The following HROB variants were observed in gnomAD, a reference collection of about 807,000 sequenced individuals.
HROB encodes homologous recombination factor with OB-fold.
Under a neutral mutation model 61.0 loss-of-function variants are expected in HROB, and 44 were observed. The observed-to-expected ratio is 0.72, with a 90% CI of 0.57 to 0.93. The LOEUF is 0.93. Among genes scored for constraint, HROB ranks in the 40% least tolerant of loss-of-function variants. The pLI is 0.00. For synonymous variants in HROB, 301 were observed against 310.4 expected, an observed-to-expected ratio of 0.97 and a Z score of 0.32; for missense variants, 716 against 796.2, an observed-to-expected ratio of 0.90 and a Z score of 1.21.
chr17:44,154,723 G>GGTGGAATCACCCT (rs2053920045), intron 6 of HROB, 59 bp downstream of exon 6: 1 of 1,599,670 alleles, frequency 6.3e-7, no homozygotes, highest in African/African-American at 1.3e-5. Context: ...CAGGAAATGA[G>GGTGGAATCACCCT]GTGGAATCAC....
At chr17:44,153,601 C>T (rs981593493) in intron 5 of HROB, among the ~76,000 whole-genome samples, 9 of 151,878 alleles carry the variant, frequency 5.9e-5, no homozygotes, top group Non-Finnish European at 7.4e-5. Context: ...CAAAATTAGC[C>T]GGACGTGTTG....
Position 44,148,109 on chromosome 17 carries a change from G to T in HROB, c.306G>T (p.Arg102Ser). The change falls in exon 3 of 10, where the codon AGG becomes AGT. Residue 102 changes from arginine (R) to serine (S), a missense_variant. By Grantham distance (110) the Arg-to-Ser change is moderately radical (BLOSUM62 -1). Transcript: ENST00000585683. ...RPSCIGAAPL[R>S]PVSTSSSWIG... ...CATGCATAGGAGCAGCTCCCCTAAGGCCTGTCTCTACTTCCAGCAGCTGGA... is the reference window on the plus strand; with the variant it reads ...CATGCATAGGAGCAGCTCCCCTAAGTCCTGTCTCTACTTCCAGCAGCTGGA... 1 of 1,614,132 alleles carries T rather than the reference G, an allele frequency of 6.2e-7. No homozygotes were observed.
intron 2 of HROB, among the ~76,000 whole-genome samples, chr17:44,145,905 C>T (rs1316459548): frequency 1.3e-5 from 2 of 152,150 alleles, no homozygotes; most frequent in South Asian, 2.1e-4. Flanking sequence ...CAGGGGTACA[C>T]GTGCAGGTTT....
At chr17:44,159,467 G>A (rs917015694) in intron 9 of HROB, among the ~76,000 whole-genome samples, 2 of 152,180 alleles carry the variant, frequency 1.3e-5, no homozygotes, top group African/African-American at 4.8e-5. Flanking sequence ...CGTATGCAGA[G>A]ACGAGAGATT....
chr17:44,142,920 G>A (rs1298634009), intron 1 of HROB, among the ~76,000 whole-genome samples: 2 of 152,012 alleles, frequency 1.3e-5, no homozygotes, highest in Admixed American at 6.6e-5. Flanking sequence ...GCCAGGGGCC[G>A]TGGCTGACAC....
At chr17:44,151,694 G>T (rs1424478199) in intron 4 of HROB, among the ~76,000 whole-genome samples, 1 of 152,098 alleles carries the variant, frequency 6.6e-6, no homozygotes, top group Non-Finnish European at 1.5e-5. Flanking sequence ...CACTCTGGAA[G>T]CCTATAAATA....
Position 44,141,999 on chromosome 17 carries a change from A to T in HROB, c.-144A>T. On this transcript the variant is annotated 5_prime_UTR_variant, in exon 1 of 10. Transcript: ENST00000585683. The stretch of plus-strand genomic sequence containing the variant: ...CTCCTGGCGACTTTCCCTATATCGC[A>T]GAGACTCATCCCTCTGACCCCAGCC... 1 of 1,179,716 alleles carries T rather than the reference A, an allele frequency of 8.5e-7. No homozygotes were observed. 73.1% of individuals were successfully genotyped at this position (1,179,716 alleles called of 1,614,324 possible).
rs1236087330 is a variant in HROB, at chr17:44,157,345, C to T, written c.1771-488C>T. Among the ~76,000 whole-genome samples the T allele has an allele frequency of 7.3e-5, 11 of 151,218 alleles. 3 individuals are homozygous for T. The highest frequency in any genetic ancestry group is 7.2e-4 in the Admixed American group (11 of 15,190). On this transcript the variant is annotated intron_variant, in intron 8 of 9. Coordinates refer to ENST00000585683, the MANE Select transcript of HROB (RefSeq NM_001171251.3). The stretch of plus-strand genomic sequence containing the variant: ...CTGCTTTGGGTGTTTGGTGTTTCAG[C>T]TGCCTCCCTTCAGCATGGGCCTGGG...
At chr17:44,144,853 T>A (rs1053802021) in intron 1 of HROB, among the ~76,000 whole-genome samples, 1 of 151,734 alleles carries the variant, frequency 6.6e-6, no homozygotes, top group Non-Finnish European at 1.5e-5. Flanking sequence ...GTAGCTGGGA[T>A]TACAGGCATG....
rs1467145724 is a variant in HROB at position 44,142,158 on chromosome 17, C to A, written c.3+13C>A. The A allele has an allele frequency of 1.3e-6, 2 of 1,521,532 alleles. No homozygotes were observed. The highest frequency in any genetic ancestry group is 2.0e-5 in the Admixed American group (1 of 49,664). 94.3% of individuals were successfully genotyped at this position (1,521,532 alleles called of 1,614,324 possible). On this transcript the variant is annotated intron_variant, in intron 1 of 9. Coordinates refer to ENST00000585683, the MANE Select transcript of HROB (RefSeq NM_001171251.3). Reference sequence around the variant, plus strand: ...CGCCGTCGCTATGGTAATGCCGCGCCCAGCTTGGGGGCTGGCGGGCCGCAG... The same window carrying A: ...CGCCGTCGCTATGGTAATGCCGCGCACAGCTTGGGGGCTGGCGGGCCGCAG...
chr17:44,148,481 G>C lies in HROB; in HGVS notation c.678G>C (p.Gln226His). ...AIHKAGIMSA[Q>H]DESLDPVIQC... is the part of the protein sequence containing the mutation. ...ACAAAGCGGGTATCATGTCCGCCCA[G>C]GATGAGTCTCTAGATCCTGTCATCC... Residue 226 changes from glutamine to histidine, a missense_variant, in exon 3 of 10, where the codon CAG (glutamine) becomes CAC (histidine). Transcript: ENST00000585683. The C allele has an allele frequency of 2.5e-6, 4 of 1,614,104 alleles. No individual in the cohort carries two copies. The highest frequency in any genetic ancestry group is 1.3e-5 in the African/African-American group (1 of 75,008).
chr17:44,156,704 C>A (rs1010667951), intron 8 of HROB, among the ~76,000 whole-genome samples: 5 of 151,010 alleles, frequency 3.3e-5, no homozygotes, highest in Non-Finnish European at 7.4e-5. Context: ...CACTCTGTCA[C>A]CCAGGCTGTA....
chr17:44,148,133 G>A lies in HROB; in HGVS notation c.330G>A (p.Trp110Ter). ...PLRPVSTSSS[W>*]IGNQRRVTVT... Reference sequence around the variant, plus strand: ...GGCCTGTCTCTACTTCCAGCAGCTGGATTGGCAATCAGAGAAGAGTGACAG... The same window carrying A: ...GGCCTGTCTCTACTTCCAGCAGCTGAATTGGCAATCAGAGAAGAGTGACAG... The change falls in exon 3 of 10, where the codon TGG (tryptophan) becomes TGA (stop). Residue 110 changes from tryptophan to a stop codon, truncating the protein, a stop_gained. Transcript: ENST00000585683. LOFTEE classifies it high-confidence loss of function. The A allele has an allele frequency of 6.2e-7, 1 of 1,614,214 alleles. No individual in the cohort carries two copies. Among genetic ancestry groups the A allele is most frequent in the Non-Finnish European group, 8.5e-7 (1 of 1,180,044 alleles).
chr17:44,160,546 C>T (rs1347615822), intron 9 of HROB, among the ~76,000 whole-genome samples: 5 of 152,008 alleles, frequency 3.3e-5, no homozygotes, highest in African/African-American at 4.8e-5. Flanking sequence ...CCAGCCTGGG[C>T]GACAGAGTAA....
Position 44,147,968 on chromosome 17 carries a change from A to C in HROB, c.165A>C (p.Ala55=). ...CTAGGCCACAGGAGACTGTGCAGGCACAGTCCTCCAGGCTGCTGCTGTTAC... is the reference window on the plus strand; with the variant it reads ...CTAGGCCACAGGAGACTGTGCAGGCCCAGTCCTCCAGGCTGCTGCTGTTAC... ...VSSRPQETVQ[A]QSSRLLLLHP... Residue 55 remains alanine (A), a synonymous_variant, in exon 3 of 10, where the codon GCA becomes GCC. Coordinates refer to ENST00000585683, the MANE Select transcript of HROB (RefSeq NM_001171251.3). 6.2e-7 allele frequency: 1 copy of C among 1,614,092 alleles called. No individual in the cohort carries two copies. Among genetic ancestry groups the C allele is most frequent in the Non-Finnish European group, 8.5e-7 (1 of 1,180,036 alleles).
intron 8 of HROB, among the ~76,000 whole-genome samples, 158 bp downstream of exon 8, chr17:44,155,569 C>T (rs1271604026): frequency 6.6e-6 from 1 of 152,162 alleles, no homozygotes; most frequent in Non-Finnish European, 1.5e-5. Flanking sequence ...TCTCCTATCC[C>T]TCATCCAGCC....
At chr17:44,160,617 A>G (rs2054110862) in intron 9 of HROB, among the ~76,000 whole-genome samples, 1 of 152,156 alleles carries the variant, frequency 6.6e-6, no homozygotes. Flanking sequence ...TATTTCTAGT[A>G]TAACTTTTCT....
chr17:44,161,954 CCCA>C lies in HROB; in HGVS notation c.*26_*28del. 6.2e-7 allele frequency: 1 copy of C among 1,610,720 alleles called. No individual in the cohort carries two copies. The highest frequency in any genetic ancestry group is 8.5e-7 in the Non-Finnish European group (1 of 1,176,962). Reference sequence around the variant, plus strand: ...TTGAGACTGCCCCAACGCAGGACAACCCACCATGAGCAGGCAGCTCTGGGCATG... The same window carrying C: ...TTGAGACTGCCCCAACGCAGGACAACCCATGAGCAGGCAGCTCTGGGCATG... On this transcript the variant is annotated 3_prime_UTR_variant, in exon 10 of 10. Coordinates refer to ENST00000585683, the MANE Select transcript of HROB (RefSeq NM_001171251.3).
chr17:44,144,768 C>T, intron 1 of HROB, among the ~76,000 whole-genome samples: 1 of 142,486 alleles, frequency 7.0e-6, no homozygotes, highest in Non-Finnish European at 1.5e-5. Flanking sequence ...TTGATACAGA[C>T]TCACTCTGTC....
Sources: gnomAD v4.1 joint callset for allele counts (sites outside exome capture counted in the v4.1 genomes callset) on GRCh38, gnomAD v4.1.1 for gene constraint, MANE v1.5 for transcripts, NCBI Gene and HGNC (gene_info 2026-07-23, HGNC 2026-07-21) for gene names.